HTR4: variants seen among roughly 807,000 people sequenced by gnomAD.
HTR4 encodes 5-hydroxytryptamine (serotonin) receptor 4, G protein-coupled.
Under a neutral mutation model 36.8 loss-of-function variants are expected in HTR4, and 16 were observed. That is an observed-to-expected ratio of 0.43 (90% CI 0.29 to 0.66). The LOEUF (loss-of-function observed/expected upper bound fraction) is 0.66, where lower values mean the gene tolerates loss of function less well. Among genes scored for constraint, HTR4 ranks in the 30% least tolerant of loss-of-function variants. The pLI, the probability that HTR4 is intolerant of heterozygous loss-of-function variation, is 0.13. For synonymous variants in HTR4, 189 were observed against 185.1 expected, an observed-to-expected ratio of 1.02 and a Z score of -0.17; for missense variants, 438 against 490.9, an observed-to-expected ratio of 0.89 and a Z score of 1.02.
chr5:148,453,732 A>G lies in HTR4; in HGVS notation c.1077-2460T>C, dbSNP rs1755030593. Reference sequence around the variant, plus strand: ...TCCCTATAAGGCTCTGGCTTTTACTACATGTGAGGGGTCTGAGCAGAGCAC... The same window carrying G: ...TCCCTATAAGGCTCTGGCTTTTACTGCATGTGAGGGGTCTGAGCAGAGCAC... On this transcript the variant is annotated intron_variant, in intron 5 of 5. Transcript: ENST00000521530. Among the ~76,000 whole-genome samples the G allele has an allele frequency of 2.6e-5, 4 of 152,130 alleles. No homozygotes were observed. The South Asian group carries it at 6.2e-4, about 24-fold the overall frequency.
At chr5:148,557,970 G>T (rs1243037726) in intron 2 of HTR4, among the ~76,000 whole-genome samples, 2 of 151,640 alleles carry the variant, frequency 1.3e-5, no homozygotes, top group African/African-American at 4.8e-5. Flanking sequence ...TTGCACCAAT[G>T]ATCTCCGCAG....
rs372461855 is a variant in HTR4, at chr5:148,578,466, C to G, written c.27-28204G>C. On this transcript the variant is annotated intron_variant, in intron 2 of 6. Coordinates refer to ENST00000377888, the MANE Select transcript of HTR4 (RefSeq NM_000870.7). ...TTGTTTGAACAAAGGTATCTCTTTC[C>G]TTTTTATATAAACGATAATCTAACA... Among the ~76,000 whole-genome samples the G allele has an allele frequency of 3.6e-4, 55 of 152,142 alleles. No individual in the cohort carries two copies. The East Asian group carries it at 6.2e-3, about 17-fold the overall frequency.
chr5:148,582,701 T>C (rs902494304), intron 2 of HTR4, among the ~76,000 whole-genome samples: 1 of 152,176 alleles, frequency 6.6e-6, no homozygotes, highest in African/African-American at 2.4e-5. Context: ...AATGGTGCAA[T>C]TGTGAATGGG....
chr5:148,516,309 CCT>C (rs1757746212), intron 5 of HTR4, among the ~76,000 whole-genome samples: 4 of 147,110 alleles, frequency 2.7e-5, no homozygotes, highest in Non-Finnish European at 6.0e-5. Flanking sequence ...TCAATTCCCC[CCT>C]CTTTTTTTTT....
chr5:148,644,537 G>A (rs1753824911), intron 1 of HTR4: 1 of 147,856 alleles, frequency 6.8e-6, no homozygotes, highest in African/African-American at 2.5e-5. Context: ...TAATTTGGCA[G>A]GTGCCAGTAC....
chr5:148,590,405 C>A (rs1423405369), intron 2 of HTR4, among the ~76,000 whole-genome samples: 3 of 144,880 alleles, frequency 2.1e-5, no homozygotes, highest in African/African-American at 7.6e-5. Flanking sequence ...TTCAAGGATT[C>A]CCTGCCTCAG....
At chr5:148,527,969 A>C (rs1332320106) in intron 4 of HTR4, among the ~76,000 whole-genome samples, 2 of 152,148 alleles carry the variant, frequency 1.3e-5, no homozygotes, top group African/African-American at 4.8e-5. Flanking sequence ...GCCAGAAGTA[A>C]AGTGCTTGGG....
intron 5 of HTR4, among the ~76,000 whole-genome samples, chr5:148,519,944 A>C (rs541074124): frequency 3.4e-4 from 52 of 152,310 alleles, no homozygotes; most frequent in Middle Eastern, 3.4e-3. Flanking sequence ...TCATTCAGGC[A>C]TGAGTTATAG....
intron 2 of HTR4, among the ~76,000 whole-genome samples, chr5:148,583,387 A>T (rs900690822): frequency 4.8e-4 from 73 of 152,118 alleles, no homozygotes; most frequent in Non-Finnish European, 8.2e-4. Context: ...ATACATATGT[A>T]ACTAACCTGC....
At chr5:148,593,919 G>T (rs1009381424) in intron 2 of HTR4, among the ~76,000 whole-genome samples, 1 of 152,148 alleles carries the variant, frequency 6.6e-6, no homozygotes, top group Non-Finnish European at 1.5e-5. Context: ...ATATGCTAGA[G>T]AAATCAATGT....
chr5:148,451,726 T>C (rs576972328), intron 5 of HTR4, among the ~76,000 whole-genome samples: 1 of 152,336 alleles, frequency 6.6e-6, no homozygotes, highest in South Asian at 2.1e-4. Context: ...TAACTGTATT[T>C]GTTACTTTCA....
intron 4 of HTR4, 98 bp from the exon 5 acceptor site, chr5:148,523,444 G>C: frequency 1.1e-6 from 1 of 927,826 alleles, no homozygotes; most frequent in Non-Finnish European, 1.6e-6. Flanking sequence ...AGGAAGAGGG[G>C]ATGGAGCAAG....
intron 2 of HTR4, among the ~76,000 whole-genome samples, chr5:148,588,437 A>G (rs1208738953): frequency 1.3e-5 from 2 of 152,040 alleles, no homozygotes; most frequent in Non-Finnish European, 2.9e-5. Flanking sequence ...AACCAGGGGG[A>G]AGAAAAAGCC....
intron 1 of HTR4, among the ~76,000 whole-genome samples, chr5:148,638,508 G>A (rs1358850018): frequency 6.6e-6 from 1 of 152,110 alleles, no homozygotes; most frequent in African/African-American, 2.4e-5. Flanking sequence ...ATTCACTGTA[G>A]ACTCCCAAAA....
intron 6 of HTR4, among the ~76,000 whole-genome samples, chr5:148,508,747 A>C (rs1292429325): frequency 2.0e-5 from 3 of 152,080 alleles, no homozygotes; most frequent in Non-Finnish European, 4.4e-5. Context: ...TTAGTTTATC[A>C]TGTTATTTAT....
At position 148,457,535 on chromosome 5, in the gene HTR4, T is replaced by C. The variant is rs562890972; in HGVS notation, c.1077-6263A>G. ...TTATCAGGAAATGATTAGACTTTATTATACATCACCCCAGCCTTCTCCTGC... is the reference window on the plus strand; with the variant it reads ...TTATCAGGAAATGATTAGACTTTATCATACATCACCCCAGCCTTCTCCTGC... On this transcript the variant is annotated intron_variant, in intron 5 of 5. Coordinates refer to the HTR4 transcript ENST00000521530. Among the ~76,000 whole-genome samples, 6 of 151,802 alleles carry C rather than the reference T, an allele frequency of 4.0e-5. No individual in the cohort carries two copies. In the South Asian group the frequency reaches 1.0e-3, roughly 26 times the overall value.
At chr5:148,572,290 G>A (rs376131355) in intron 2 of HTR4, among the ~76,000 whole-genome samples, 30 of 152,012 alleles carry the variant, frequency 2.0e-4, no homozygotes, top group Admixed American at 3.3e-4. Flanking sequence ...GATTTTTATC[G>A]TCACAACAGC....
chr5:148,545,092 G>T (rs1307267281), intron 4 of HTR4, among the ~76,000 whole-genome samples: 6 of 152,188 alleles, frequency 3.9e-5, no homozygotes, highest in Non-Finnish European at 1.5e-5. Context: ...CCTCTTCCAG[G>T]CTAAAACATT....
chr5:148,616,589 G>A (rs530089123), intron 2 of HTR4, among the ~76,000 whole-genome samples: 1 of 152,138 alleles, frequency 6.6e-6, no homozygotes, highest in East Asian at 1.9e-4. Flanking sequence ...GCTTTATTTT[G>A]TTCCTATTAC....
Sources: allele counts gnomAD v4.1 joint callset (sites outside exome capture counted in the v4.1 genomes callset), GRCh38; gene constraint gnomAD v4.1.1; transcripts MANE v1.5; gene names NCBI Gene and HGNC (gene_info 2026-07-23, HGNC 2026-07-21).